Variants in NECAB1 observed in about 807,000 individuals in gnomAD.
NECAB1 encodes N-terminal EF-hand calcium-binding protein 1.
In NECAB1, 29 loss-of-function variants were observed where a neutral mutation model predicts 57.5. That is an observed-to-expected ratio of 0.50 (90% CI 0.38 to 0.69). NECAB1 has a LOEUF of 0.69. NECAB1 is among the 30% of genes least tolerant of loss of function. The pLI, the probability that NECAB1 is intolerant of heterozygous loss-of-function variation, is 0.00. For missense variants in NECAB1, 372 were observed against 413.8 expected, an observed-to-expected ratio of 0.90 and a Z score of 0.88; for synonymous variants, 142 against 147.7, an observed-to-expected ratio of 0.96 and a Z score of 0.28.
Position 90,957,619 on chromosome 8 carries a change from A to G in NECAB1, c.*2107A>G, listed in dbSNP as rs1228097533. 6.6e-6 allele frequency: 1 copy of G among 150,856 alleles called. No homozygotes were observed. Among genetic ancestry groups the G allele is most frequent in the African/African-American group, 2.4e-5 (1 of 41,186 alleles). 9.3% of individuals were successfully genotyped at this position (150,856 alleles called of 1,614,324 possible). On this transcript the variant is annotated 3_prime_UTR_variant, in exon 13 of 13. Coordinates refer to ENST00000417640, the MANE Select transcript of NECAB1 (RefSeq NM_022351.5). ...TGTATGTGAATGTGTGTGAGTGTGT[A>G]TTCACATACACATATATACTGGAAC... is the stretch of plus-strand genomic sequence containing the variant.
chr8:90,917,839 A>AATATATATATATATATAT (rs1336973053), intron 6 of NECAB1, among the ~76,000 whole-genome samples: 1 of 43,828 alleles, frequency 2.3e-5, no homozygotes, highest in Non-Finnish European at 3.6e-5. Context: ...CATTTAGTAA[A>AATATATATATATATATAT]CTATATATAT....
chr8:90,958,864 GCT>G lies in NECAB1; in HGVS notation c.*3355_*3356del. On this transcript the variant is annotated 3_prime_UTR_variant, in exon 13 of 13. Transcript: ENST00000417640. ...AGAAAATTCTTTATATTTTAAAATA[GCT>G]CTTTCTCATTTTTAGAGAAGTCAAA... 1 of 554,566 alleles carries G rather than the reference GCT, an allele frequency of 1.8e-6. No individual in the cohort carries two copies. Among genetic ancestry groups the G allele is most frequent in the Non-Finnish European group, 3.1e-6 (1 of 322,586 alleles). The allele number at this position is 554,566 out of a possible 1,614,324, so 34.4% of individuals were successfully genotyped here.
At chr8:90,827,833 C>T (rs1007936752) in intron 3 of NECAB1, among the ~76,000 whole-genome samples, 9 of 151,598 alleles carry the variant, frequency 5.9e-5, no homozygotes, top group Non-Finnish European at 1.2e-4. Context: ...TACATTATTC[C>T]TCATAAAATT....
chr8:90,809,210 C>T (rs890942569), intron 2 of NECAB1, among the ~76,000 whole-genome samples: 6 of 152,162 alleles, frequency 3.9e-5, no homozygotes, highest in African/African-American at 1.4e-4. Context: ...GATGTGTCTC[C>T]ATCTCAGGAC....
chr8:90,853,973 C>T (rs371472533), intron 3 of NECAB1, among the ~76,000 whole-genome samples: 169 of 152,146 alleles, frequency 1.1e-3, no homozygotes, highest in Middle Eastern at 6.8e-3. Flanking sequence ...GGAAGCAGAT[C>T]GTTGGTTAGG....
At chr8:90,828,246 A>T (rs1812254572) in intron 3 of NECAB1, among the ~76,000 whole-genome samples, 1 of 151,982 alleles carries the variant, frequency 6.6e-6, no homozygotes, top group African/African-American at 2.4e-5. Flanking sequence ...TTTAACCTCA[A>T]AATAACTATG....
chr8:90,882,831 C>T (rs952131795), intron 5 of NECAB1, among the ~76,000 whole-genome samples: 7 of 151,692 alleles, frequency 4.6e-5, no homozygotes, highest in African/African-American at 9.7e-5. Context: ...TTTGGCTTAC[C>T]GTGTTTACTC....
Position 90,885,327 on chromosome 8 carries a change from C to T in NECAB1, c.357+4197C>T, listed in dbSNP as rs547117901. Among the ~76,000 whole-genome samples the T allele has an allele frequency of 2.2e-4, 33 of 152,262 alleles. 1 individual carries two copies. The South Asian group carries it at 6.2e-3, about 29-fold the overall frequency. ...ACTGGCACCTACCTGGCAATCATGT[C>T]ACTGGTTCTTTCTAGCCATTGCTGC... On this transcript the variant is annotated intron_variant, in intron 5 of 12. Coordinates refer to ENST00000417640, the MANE Select transcript of NECAB1 (RefSeq NM_022351.5).
chr8:90,931,013 T>G (rs112632292), intron 8 of NECAB1, among the ~76,000 whole-genome samples: 1 of 107,002 alleles, frequency 9.3e-6, no homozygotes, highest in Non-Finnish European at 1.7e-5. Context: ...TGGCTCAAAC[T>G]TATGCCTTTT....
At chr8:90,844,765 G>A (rs1365695081) in intron 3 of NECAB1, among the ~76,000 whole-genome samples, 1 of 146,794 alleles carries the variant, frequency 6.8e-6, no homozygotes, top group Admixed American at 7.0e-5. Context: ...GAAAAGGCTT[G>A]ACTTAGTTAT....
intron 3 of NECAB1, among the ~76,000 whole-genome samples, chr8:90,846,453 T>G (rs1392895302): frequency 6.6e-6 from 1 of 152,254 alleles, no homozygotes; most frequent in African/African-American, 2.4e-5. Flanking sequence ...GAACTTTGCT[T>G]GATCTCTGTT....
chr8:90,910,157 T>A (rs1809793343), intron 5 of NECAB1, among the ~76,000 whole-genome samples: 1 of 152,114 alleles, frequency 6.6e-6, no homozygotes, highest in South Asian at 2.1e-4. Context: ...TCCTATCACT[T>A]CATTTCTGAG....
intron 1 of NECAB1, among the ~76,000 whole-genome samples, chr8:90,796,525 CAATAACTTAAAGTGATG>C (rs1437380942): frequency 1.3e-5 from 2 of 152,178 alleles, no homozygotes; most frequent in Non-Finnish European, 2.9e-5. Context: ...CACCTGCCTT[CAATAACTTAAAGTGATG>C]AATAAGGAAT....
intron 5 of NECAB1, among the ~76,000 whole-genome samples, chr8:90,897,163 C>A (rs1264967254): frequency 6.6e-6 from 1 of 152,206 alleles, no homozygotes; most frequent in African/African-American, 2.4e-5. Context: ...ATTGGCAACT[C>A]TTCCTCTTCG....
intron 1 of NECAB1, among the ~76,000 whole-genome samples, chr8:90,797,387 T>C (rs1211212305): frequency 6.6e-6 from 1 of 152,254 alleles, no homozygotes; most frequent in Non-Finnish European, 1.5e-5. Context: ...ATTAGATTTA[T>C]CTATACCTCA....
rs1157261844 is a variant in NECAB1 at position 90,947,328 on chromosome 8, A to ACG, written c.861-2478_861-2477insGC. Among the ~76,000 whole-genome samples the ACG allele has an allele frequency of 2.7e-5, 4 of 149,278 alleles. No individual in the cohort carries two copies. In the East Asian group the frequency reaches 8.0e-4, roughly 30 times the overall value. Reference sequence around the variant, plus strand: ...TACACACACACACACACACACACACACACACACACACACACACACACACAA... The same window carrying ACG: ...TACACACACACACACACACACACACACGCACACACACACACACACACACACAA... On this transcript the variant is annotated intron_variant, in intron 10 of 12. Transcript: ENST00000417640.
chr8:90,873,173 TA>T (rs898711167), intron 4 of NECAB1, among the ~76,000 whole-genome samples: 5 of 152,154 alleles, frequency 3.3e-5, no homozygotes, highest in African/African-American at 1.2e-4. Flanking sequence ...CCAATGATTG[TA>T]AAAAAACTCA....
chr8:90,947,520 C>T (rs1225917744), intron 10 of NECAB1, among the ~76,000 whole-genome samples: 1 of 151,916 alleles, frequency 6.6e-6, no homozygotes. Flanking sequence ...CCTGCCTCAG[C>T]CTCCTGAGTA....
At chr8:90,916,215 T>C (rs1176811600) in intron 5 of NECAB1, among the ~76,000 whole-genome samples, 1 of 152,220 alleles carries the variant, frequency 6.6e-6, no homozygotes, top group Admixed American at 6.5e-5. Flanking sequence ...CTATTTCAAA[T>C]TGAGAAAGAA....
Sources: gnomAD v4.1 joint callset for allele counts (sites outside exome capture counted in the v4.1 genomes callset) on GRCh38, gnomAD v4.1.1 for gene constraint, MANE v1.5 for transcripts, NCBI Gene and HGNC (gene_info 2026-07-23, HGNC 2026-07-21) for gene names.